The following TUBG2 variants were observed in gnomAD, a reference collection of about 807,000 sequenced individuals.
The protein encoded by TUBG2 is tubulin gamma-2 chain.
TUBG2 carries 39 observed loss-of-function variants against 55.1 expected under a neutral mutation model. The ratio of observed to expected loss-of-function variants is 0.71; its 90% CI spans 0.55 to 0.93. The LOEUF is 0.93. TUBG2 is among the 40% of genes least tolerant of loss of function. TUBG2 has a pLI of 0.00. For missense variants in TUBG2, 358 were observed against 599.1 expected, an observed-to-expected ratio of 0.60 and a Z score of 4.20; for synonymous variants, 223 against 241.0, an observed-to-expected ratio of 0.93 and a Z score of 0.69.
Position 42,659,464 on chromosome 17 carries a change from C to G in TUBG2, c.-40C>G, listed in dbSNP as rs1379751934. 1 of 1,540,230 alleles carries G rather than the reference C, an allele frequency of 6.5e-7. No homozygotes were observed. Among genetic ancestry groups the G allele is most frequent in the East Asian group, 2.5e-5 (1 of 40,554 alleles). On this transcript the variant is annotated 5_prime_UTR_variant, in exon 1 of 11. Transcript: ENST00000251412. ...CCGGGCATTCGTCTCAGCCGTGACT[C>G]TCGCCAGGCCGGGGCTGGCGCGCCC...
Position 42,665,576 on chromosome 17 carries a change from C to T in TUBG2, c.693+14C>T. 6.2e-7 allele frequency: 1 copy of T among 1,614,144 alleles called. No individual in the cohort carries two copies. Among genetic ancestry groups the T allele is most frequent in the Non-Finnish European group, 8.5e-7 (1 of 1,180,024 alleles). On this transcript the variant is annotated intron_variant, in intron 7 of 10. Coordinates refer to ENST00000251412, the MANE Select transcript of TUBG2 (RefSeq NM_016437.3). Reference sequence around the variant, plus strand: ...ATCAACCAGCTGGTGGGCCCCCACTCCCGGACTCCTTTGGACTGGAAGCCC... The same window carrying T: ...ATCAACCAGCTGGTGGGCCCCCACTTCCGGACTCCTTTGGACTGGAAGCCC...
At chr17:42,661,898 A>C (rs146000767) in intron 4 of TUBG2, among the ~76,000 whole-genome samples, 79 of 152,302 alleles carry the variant, frequency 5.2e-4, no homozygotes, top group African/African-American at 1.9e-3. Flanking sequence ...TTGGCATTGG[A>C]AGTGGGAGAG....
intron 4 of TUBG2, among the ~76,000 whole-genome samples, chr17:42,662,008 C>T (rs1192894732): frequency 6.6e-6 from 1 of 152,186 alleles, no homozygotes; most frequent in African/African-American, 2.4e-5. Flanking sequence ...AAACACATCA[C>T]AAATTGAAAA....
chr17:42,663,181 T>A, intron 5 of TUBG2, 129 bp downstream of exon 5: 2 of 1,251,228 alleles, frequency 1.6e-6, no homozygotes, highest in Non-Finnish European at 2.2e-6. Context: ...CCAAGGACCA[T>A]GTTGGAAGCT....
intron 4 of TUBG2, among the ~76,000 whole-genome samples, chr17:42,661,820 G>A (rs998021758): frequency 2.0e-5 from 3 of 152,216 alleles, no homozygotes; most frequent in Admixed American, 1.3e-4. Flanking sequence ...AACCCAAGGA[G>A]CAGTCCTGAG....
In TUBG2 at chr17:42,666,096, G is replaced by A. The variant is rs2052532932; in HGVS notation, c.853G>A (p.Val285Met). The change falls in exon 9 of 11, where the codon GTG becomes ATG. Residue 285 changes from valine to methionine, a missense_variant. Val to Met is a conservative substitution (Grantham distance 21). Around this residue, in one of 8 missense-constraint regions of TUBG2, gnomAD observed 129 missense variants for 251.6 expected, o/e 0.51. Transcript: ENST00000251412. The stretch of plus-strand genomic sequence containing the variant: ...CTCACTGTCCCATCAGGTGGCCAGC[G>A]TGAGGAAGACCACGGTCCTGGATGT... ...PLTTDQSVAS[V>M]RKTTVLDVMR... 1.2e-6 allele frequency: 2 copies of A among 1,613,976 alleles called. No individual in the cohort carries two copies. The highest frequency in any genetic ancestry group is 1.7e-4 in the Middle Eastern group (1 of 6,026).
At chr17:42,659,674 T>A in intron 1 of TUBG2, 122 bp downstream of exon 1, 1 of 1,377,552 alleles carries the variant, frequency 7.3e-7, no homozygotes, top group Non-Finnish European at 9.8e-7. Flanking sequence ...CTGCTCTGGA[T>A]AACCCAGACC....
intron 4 of TUBG2, among the ~76,000 whole-genome samples, chr17:42,662,466 C>T (rs1253550545): frequency 2.6e-5 from 4 of 152,038 alleles, no homozygotes; most frequent in East Asian, 3.8e-4. Context: ...ATTAGCCAGG[C>T]GTGGTGGTAC....
chr17:42,663,300 T>C lies in TUBG2; in HGVS notation c.480-77T>C, dbSNP rs1249480856. 3 of 1,592,308 alleles carry C rather than the reference T, an allele frequency of 1.9e-6. No homozygotes were observed. In the African/African-American group the frequency reaches 4.0e-5, roughly 21 times the overall value. ...AGACTCAGTTCTGCCCTCACCCCTT[T>C]TGTACAAAATGGCACATATGGGCAG... On this transcript the variant is annotated intron_variant, in intron 5 of 10. Transcript: ENST00000251412.
chr17:42,659,445 A>T lies in TUBG2; in HGVS notation c.-59A>T. ...CGTCCTGCGCTCCTGGCTGCCGGGC[A>T]TTCGTCTCAGCCGTGACTCTCGCCA... On this transcript the variant is annotated 5_prime_UTR_variant, in exon 1 of 11. Transcript: ENST00000251412. 6.6e-7 allele frequency: 1 copy of T among 1,516,934 alleles called. No homozygotes were observed. The highest frequency in any genetic ancestry group is 8.9e-7 in the Non-Finnish European group (1 of 1,129,226). The allele number at this position is 1,516,934 out of a possible 1,614,324, so 94.0% of individuals were successfully genotyped here.
At chr17:42,663,158 G>C in intron 5 of TUBG2, 106 bp downstream of exon 5, 2 of 1,343,436 alleles carry the variant, frequency 1.5e-6, no homozygotes, top group South Asian at 2.7e-5. Context: ...TTGAGTCATA[G>C]GGACAGACCC....
chr17:42,662,878 ATGTG>A, intron 4 of TUBG2, 91 bp from the exon 5 acceptor site: 1 of 1,209,600 alleles, frequency 8.3e-7, no homozygotes, highest in South Asian at 1.4e-5. Flanking sequence ...TGCTTACCTG[ATGTG>A]TGTGGTAAGA....
At position 42,660,627 on chromosome 17, in the gene TUBG2, A is replaced by T. The variant is rs777225685; in HGVS notation, c.331-12A>T. 1.1e-5 allele frequency: 17 copies of T among 1,613,260 alleles called. No individual in the cohort carries two copies. Among genetic ancestry groups the T allele is most frequent in the Non-Finnish European group, 1.4e-5 (16 of 1,179,382 alleles). On this transcript the variant is annotated splice_polypyrimidine_tract_variant and intron_variant, in intron 3 of 10. Transcript: ENST00000251412. The stretch of plus-strand genomic sequence containing the variant: ...CTTTGGCCTGACCCTCCCTTTCCAT[A>T]TCTCTATACAGGGTGAGAAAATTCA...
At chr17:42,665,594 G>T in intron 7 of TUBG2, 32 bp downstream of exon 7, 3 of 1,614,064 alleles carry the variant, frequency 1.9e-6, no homozygotes, top group South Asian at 1.1e-5. Context: ...CCTTTGGACT[G>T]GAAGCCCTCC....
At chr17:42,665,282 T>C (rs1371226455) in intron 6 of TUBG2, among the ~76,000 whole-genome samples, 194 bp from the exon 7 acceptor site, 1 of 151,930 alleles carries the variant, frequency 6.6e-6, no homozygotes, top group Admixed American at 6.6e-5. Flanking sequence ...CTCCTGACCT[T>C]GTGATCCGCC....
At chr17:42,661,799 C>G (rs557349643) in intron 4 of TUBG2, among the ~76,000 whole-genome samples, 1 of 152,300 alleles carries the variant, frequency 6.6e-6, no homozygotes, top group East Asian at 1.9e-4. Context: ...GCTACTCTAA[C>G]AAATTAATTG....
At chr17:42,663,942 CA>C (rs376456859) in intron 6 of TUBG2, among the ~76,000 whole-genome samples, 3,076 of 130,060 alleles carry the variant, frequency 0.024, 47 homozygotes, top group Non-Finnish European at 0.036. Flanking sequence ...GACTCTGTCT[CA>C]AAAAAAAAAA....
intron 6 of TUBG2, among the ~76,000 whole-genome samples, chr17:42,665,188 C>T (rs991781780): frequency 6.6e-6 from 1 of 152,098 alleles, no homozygotes; most frequent in African/African-American, 2.4e-5. Context: ...GCTGGGACTA[C>T]AGGCGCCCGC....
intron 4 of TUBG2, 59 bp downstream of exon 4, chr17:42,660,766 G>A (rs1354678956): frequency 6.6e-7 from 1 of 1,508,982 alleles, no homozygotes; most frequent in Non-Finnish European, 9.1e-7. Context: ...CTGGGGACAG[G>A]TCAGGAGGTG....
Sources: gnomAD v4.1 joint callset for allele counts (sites outside exome capture counted in the v4.1 genomes callset) on GRCh38, gnomAD v4.1.1 for gene constraint, gnomAD v4.1.1 regional missense constraint, MANE v1.5 for transcripts, NCBI Gene and HGNC (gene_info 2026-07-23, HGNC 2026-07-21) for gene names.